C12orf42: variants seen among roughly 807,000 people sequenced by gnomAD.
The protein encoded by C12orf42 is chromosome 12 open reading frame 42, also known as uncharacterized protein C12orf42.
In C12orf42, 25 loss-of-function variants were observed where a neutral mutation model predicts 21.6. The observed-to-expected ratio is 1.16, with a 90% confidence interval of 0.84 to 1.62. C12orf42 has a LOEUF of 1.62. Among genes scored for constraint, C12orf42 ranks in the 40% most tolerant of loss-of-function variants. The probability of loss-of-function intolerance (pLI) is 0.00; values close to 1 mark genes in which losing one functional copy is unlikely to be tolerated. For missense variants in C12orf42, 483 were observed against 459.3 expected (o/e 1.05, Z -0.47); for synonymous variants, 174 against 175.0 (o/e 0.99, Z 0.05).
the C12orf42 span, among the ~76,000 whole-genome samples, chr12:103,098,906 G>C: frequency 6.6e-6 from 1 of 152,172 alleles, no homozygotes; most frequent in South Asian, 2.1e-4. Flanking sequence ...GCAAAGACTG[G>C]AGTTGTAAGC....
intron 1 of C12orf42, among the ~76,000 whole-genome samples, chr12:103,486,527 A>G (rs1458402599): frequency 2.0e-5 from 3 of 152,090 alleles, no homozygotes; most frequent in African/African-American, 7.2e-5. Context: ...ATAATTTCAG[A>G]AGGAATGGTA....
Position 103,302,219 on chromosome 12 carries a change from G to A in C12orf42, c.972C>T (p.Ser324=). ...AGGAGCAAACCTTTATTAACCTCTT[G>A]GAGGGGAAATGGGTGGAAGCACCGG... is the stretch of plus-strand genomic sequence containing the variant. ...LLAGASTHFP[S]KRLIKVCSSA... is the part of the protein sequence containing the mutation. The change falls in exon 6 of 6, where the codon TCC becomes TCT. Residue 324 remains serine (S), a synonymous_variant. Coordinates refer to ENST00000548883, the MANE Select transcript of C12orf42 (RefSeq NM_198521.5). The A allele has an allele frequency of 6.2e-7, 1 of 1,612,282 alleles. No individual in the cohort carries two copies. The highest frequency in any genetic ancestry group is 8.5e-7 in the Non-Finnish European group (1 of 1,179,260).
chr12:103,083,117 C>T, the C12orf42 span, among the ~76,000 whole-genome samples: 1 of 152,258 alleles, frequency 6.6e-6, no homozygotes, highest in South Asian at 2.1e-4. Flanking sequence ...GTAATTCCAA[C>T]ACTTTGGGAG....
chr12:103,331,918 G>T (rs2041270441), intron 4 of C12orf42, among the ~76,000 whole-genome samples: 1 of 152,178 alleles, frequency 6.6e-6, no homozygotes, highest in Admixed American at 6.5e-5. Context: ...AGGAAGAGTT[G>T]GTTCTATGCA....
intron 10 of C12orf42, among the ~76,000 whole-genome samples, chr12:103,257,929 G>T (rs1312140805): frequency 2.6e-5 from 4 of 151,770 alleles, no homozygotes; most frequent in African/African-American, 4.8e-5. Context: ...AATTAATAAA[G>T]ATTTTTTTAA....
chr12:103,424,073 T>C (rs951725732), intron 2 of C12orf42, among the ~76,000 whole-genome samples: 1 of 152,268 alleles, frequency 6.6e-6, no homozygotes, highest in Non-Finnish European at 1.5e-5. Context: ...ATGGAGGACA[T>C]TGCAACTTAA....
intron 3 of C12orf42, among the ~76,000 whole-genome samples, chr12:103,394,479 T>C (rs1435262585): frequency 1.3e-5 from 2 of 152,212 alleles, no homozygotes; most frequent in African/African-American, 4.8e-5. Flanking sequence ...AAAGATGCAG[T>C]CCAAGGTTAC....
chr12:103,500,317 G>A (rs538122095), upstream of C12orf42, among the ~76,000 whole-genome samples: 6 of 150,298 alleles, frequency 4.0e-5, no homozygotes, highest in South Asian at 8.4e-4. Context: ...TTTGACCAAC[G>A]ATCAAAACCA....
chr12:103,529,312 T>C, the C12orf42 span, among the ~76,000 whole-genome samples: 1 of 152,226 alleles, frequency 6.6e-6, no homozygotes, highest in Non-Finnish European at 1.5e-5. Flanking sequence ...TGCTTTTAAA[T>C]AAGCAAGGAT....
chr12:103,231,789 A>C, the C12orf42 span, among the ~76,000 whole-genome samples: 1 of 152,210 alleles, frequency 6.6e-6, no homozygotes, highest in Non-Finnish European at 1.5e-5. Context: ...GCAGATTTTT[A>C]TGTGGACATA....
the C12orf42 span, among the ~76,000 whole-genome samples, chr12:103,524,801 C>A: frequency 2.6e-5 from 4 of 152,196 alleles, no homozygotes; most frequent in Non-Finnish European, 5.9e-5. Flanking sequence ...CTCCAGGAAG[C>A]ACTTTCAGGC....
the C12orf42 span, among the ~76,000 whole-genome samples, chr12:103,091,299 A>G: frequency 6.6e-6 from 1 of 151,904 alleles, no homozygotes; most frequent in Non-Finnish European, 1.5e-5. Flanking sequence ...AACTACCCCG[A>G]TTATCCTGTT....
intron 4 of C12orf42, among the ~76,000 whole-genome samples, chr12:103,338,837 GA>G (rs2041940547): frequency 6.6e-6 from 1 of 152,168 alleles, no homozygotes; most frequent in Admixed American, 6.5e-5. Context: ...AGGAAAGAAG[GA>G]GGAAGAGAGG....
chr12:103,201,673 C>T, the C12orf42 span, among the ~76,000 whole-genome samples: 3 of 152,064 alleles, frequency 2.0e-5, no homozygotes, highest in South Asian at 4.1e-4. Flanking sequence ...CTCAATTGGC[C>T]GTTGTCAACT....
At chr12:103,266,930 A>C (rs552525703), downstream of C12orf42, among the ~76,000 whole-genome samples, 8 of 152,270 alleles carry the variant, frequency 5.3e-5, no homozygotes, top group Admixed American at 3.9e-4. Flanking sequence ...AACCTATGGC[A>C]GGCATTTTGC....
downstream of C12orf42, among the ~76,000 whole-genome samples, chr12:103,236,164 A>C (rs1004204811): frequency 6.6e-6 from 1 of 152,152 alleles, no homozygotes; most frequent in African/African-American, 2.4e-5. Context: ...AGTCATCTAC[A>C]AAGTGCATTG....
At chr12:103,064,793 T>G in the C12orf42 span, among the ~76,000 whole-genome samples, 1 of 152,218 alleles carries the variant, frequency 6.6e-6, no homozygotes, top group Non-Finnish European at 1.5e-5. Flanking sequence ...ACACTGGCTC[T>G]GAGCTGATCT....
At chr12:103,355,358 C>A (rs975784566) in intron 4 of C12orf42, among the ~76,000 whole-genome samples, 10 of 152,224 alleles carry the variant, frequency 6.6e-5, no homozygotes, top group Middle Eastern at 6.8e-3. Flanking sequence ...TCTGCATATA[C>A]TTCTGTATTG....
chr12:103,412,031 G>A (rs80120397), intron 2 of C12orf42, among the ~76,000 whole-genome samples: 144 of 152,292 alleles, frequency 9.5e-4, no homozygotes, highest in African/African-American at 3.3e-3. Context: ...TGAGTTAGTA[G>A]AGCATAAAGT....
Sources: gnomAD v4.1 joint callset for allele counts (sites outside exome capture counted in the v4.1 genomes callset) on GRCh38, gnomAD v4.1.1 for gene constraint, MANE v1.5 for transcripts, NCBI Gene and HGNC (gene_info 2026-07-23, HGNC 2026-07-21) for gene names.